The following RBFOX1 variants were observed in gnomAD, a reference collection of about 807,000 sequenced individuals.
The protein encoded by RBFOX1 is RNA binding fox-1 homolog 1.
In RBFOX1, 8 loss-of-function variants were observed where a neutral mutation model predicts 57.7. That is an observed-to-expected ratio of 0.14 (90% CI 0.08 to 0.25). The LOEUF (loss-of-function observed/expected upper bound fraction) is 0.25. Ranked by LOEUF, RBFOX1 falls within the 10% of genes least tolerant of loss-of-function variation. The pLI, the probability that RBFOX1 is intolerant of heterozygous loss-of-function variation, is 1.00. For missense variants in RBFOX1, 611 were observed against 548.5 expected (o/e 1.11, Z -1.14); for synonymous variants, 326 against 222.4 (o/e 1.47, Z -4.15).
intron 2 of RBFOX1, among the ~76,000 whole-genome samples, chr16:5,493,937 A>G (rs1002683980): frequency 2.1e-4 from 32 of 152,210 alleles, no homozygotes; most frequent in African/African-American, 7.5e-4. Flanking sequence ...AGTGGAAAGG[A>G]AAAAACAAAA....
chr16:5,555,872 T>G (rs558545182), intron 2 of RBFOX1, among the ~76,000 whole-genome samples: 1 of 151,980 alleles, frequency 6.6e-6, no homozygotes, highest in East Asian at 2.0e-4. Context: ...AAATACAAAA[T>G]TAGCCGGTCG....
intron 3 of RBFOX1, among the ~76,000 whole-genome samples, chr16:6,951,406 C>G (rs2080736602): frequency 6.6e-6 from 1 of 152,074 alleles, no homozygotes; most frequent in African/African-American, 2.4e-5. Flanking sequence ...CAATAACGTA[C>G]ATTTATTTTA....
At chr16:5,493,385 C>G (rs1022377678) in intron 2 of RBFOX1, among the ~76,000 whole-genome samples, 1 of 152,126 alleles carries the variant, frequency 6.6e-6, no homozygotes, top group African/African-American at 2.4e-5. Context: ...ATCTTTAAGA[C>G]AAACCCTCCG....
At chr16:5,855,612 T>G (rs555113857) in intron 3 of RBFOX1, among the ~76,000 whole-genome samples, 3 of 152,198 alleles carry the variant, frequency 2.0e-5, no homozygotes, top group Non-Finnish European at 2.9e-5. Flanking sequence ...CTATACTGTT[T>G]TGGTTACTGT....
chr16:5,629,444 G>A (rs1990289), intron 3 of RBFOX1, among the ~76,000 whole-genome samples: 1 of 152,192 alleles, frequency 6.6e-6, no homozygotes, highest in African/African-American at 2.4e-5. Context: ...CTACCAGTTT[G>A]TAGGGGACCC....
chr16:7,084,960 ATCTG>A (rs1382766238), intron 4 of RBFOX1, among the ~76,000 whole-genome samples: 3 of 151,996 alleles, frequency 2.0e-5, no homozygotes, highest in African/African-American at 7.2e-5. Flanking sequence ...CTATCTATGT[ATCTG>A]TCTGTCTGTC....
At chr16:6,212,750 G>C (rs1468157766) in intron 1 of RBFOX1, among the ~76,000 whole-genome samples, 2 of 151,784 alleles carry the variant, frequency 1.3e-5, no homozygotes, top group Non-Finnish European at 2.9e-5. Context: ...CCACTAATAT[G>C]ATAATGGAGT....
chr16:5,759,093 T>G (rs1277381917), intron 3 of RBFOX1, among the ~76,000 whole-genome samples: 2 of 152,214 alleles, frequency 1.3e-5, no homozygotes, highest in Non-Finnish European at 2.9e-5. Context: ...AGTATATACT[T>G]CTCTGAAGAA....
At chr16:5,749,928 G>C (rs1020454020) in intron 3 of RBFOX1, among the ~76,000 whole-genome samples, 20 of 152,204 alleles carry the variant, frequency 1.3e-4, no homozygotes, top group Non-Finnish European at 2.2e-4. Flanking sequence ...TTCCTTTAGA[G>C]GGGGAGAGGT....
Position 7,711,407 on chromosome 16 carries a change from T to G in RBFOX1, c.*662T>G, listed in dbSNP as rs775591656. On this transcript the variant is annotated 3_prime_UTR_variant, in exon 16 of 16. Transcript: ENST00000550418. ...CTGTGCAAACCCACCCTTTAAACCATTCCACCCGGCAGTATTCAGCTTCTT... is the reference window on the plus strand; with the variant it reads ...CTGTGCAAACCCACCCTTTAAACCAGTCCACCCGGCAGTATTCAGCTTCTT... The G allele has an allele frequency of 6.6e-6, 1 of 152,514 alleles. No homozygotes were observed. The highest frequency in any genetic ancestry group is 2.4e-5 in the African/African-American group (1 of 41,396). 9.4% of individuals were successfully genotyped at this position (152,514 alleles called of 1,614,324 possible).
At chr16:6,928,248 A>G (rs957740972) in intron 3 of RBFOX1, among the ~76,000 whole-genome samples, 6 of 152,158 alleles carry the variant, frequency 3.9e-5, no homozygotes, top group Admixed American at 3.3e-4. Flanking sequence ...TGGTCTGAGG[A>G]TCCCTGGGCA....
At chr16:6,238,177 G>T (rs141078128) in intron 1 of RBFOX1, among the ~76,000 whole-genome samples, 4 of 151,692 alleles carry the variant, frequency 2.6e-5, no homozygotes, top group African/African-American at 7.3e-5. Context: ...CTGCCACTTA[G>T]ATGACATAAA....
chr16:7,545,715 T>G (rs1046357339), intron 5 of RBFOX1, among the ~76,000 whole-genome samples: 1 of 152,100 alleles, frequency 6.6e-6, no homozygotes, highest in African/African-American at 2.4e-5. Context: ...CTATATTCTT[T>G]CCGAATGTTC....
intron 1 of RBFOX1, among the ~76,000 whole-genome samples, chr16:6,298,365 C>A (rs1435276579): frequency 6.6e-6 from 1 of 152,206 alleles, no homozygotes; most frequent in Non-Finnish European, 1.5e-5. Context: ...ATACCTCACA[C>A]AGTCACTCAC....
intron 4 of RBFOX1, among the ~76,000 whole-genome samples, chr16:5,975,993 A>C (rs2060054234): frequency 6.6e-6 from 1 of 152,002 alleles, no homozygotes. Flanking sequence ...ATAATACAAA[A>C]ATTAGCCGGA....
chr16:5,327,918 C>T (rs1359707081), intron 1 of RBFOX1, among the ~76,000 whole-genome samples: 3 of 152,158 alleles, frequency 2.0e-5, no homozygotes, highest in African/African-American at 7.2e-5. Context: ...GGTTGTATCC[C>T]TTTCTGGCTT....
intron 4 of RBFOX1, among the ~76,000 whole-genome samples, chr16:7,174,405 A>G (rs909569462): frequency 2.0e-5 from 3 of 152,132 alleles, no homozygotes; most frequent in Admixed American, 6.6e-5. Flanking sequence ...TCTTGGGTGG[A>G]TATATGCTTT....
At chr16:7,366,476 A>T (rs999504194) in intron 4 of RBFOX1, among the ~76,000 whole-genome samples, 2 of 152,116 alleles carry the variant, frequency 1.3e-5, no homozygotes, top group African/African-American at 4.8e-5. Flanking sequence ...TTGTGAATTG[A>T]TAAACCCTCC....
intron 4 of RBFOX1, among the ~76,000 whole-genome samples, chr16:7,093,069 C>T (rs1384753603): frequency 6.6e-6 from 1 of 152,178 alleles, no homozygotes; most frequent in Admixed American, 6.5e-5. Flanking sequence ...TTCTGTGTTT[C>T]CTATGAGTGC....
Sources: gnomAD v4.1 joint callset for allele counts (sites outside exome capture counted in the v4.1 genomes callset) on GRCh38, gnomAD v4.1.1 for gene constraint, MANE v1.5 for transcripts, NCBI Gene and HGNC (gene_info 2026-07-23, HGNC 2026-07-21) for gene names.